The following CSMD1 variants were observed in gnomAD, a reference collection of about 807,000 sequenced individuals.
CSMD1 encodes the protein CUB and sushi domain-containing protein 1.
In CSMD1, 213 loss-of-function variants were observed where a neutral mutation model predicts 417.5. The observed-to-expected ratio is 0.51, with a 90% CI of 0.46 to 0.57. CSMD1 has a LOEUF of 0.57. Ranked by LOEUF, CSMD1 falls within the 20% of genes least tolerant of loss-of-function variation. The probability of loss-of-function intolerance (pLI) is 0.00; values close to 1 mark genes in which losing one functional copy is unlikely to be tolerated. For synonymous variants in CSMD1, 2,862 were observed against 1,736.8 expected, an observed-to-expected ratio of 1.65 and a Z score of -16.11; for missense variants, 6,923 against 4,529.7, an observed-to-expected ratio of 1.53 and a Z score of -15.17.
At chr8:3,555,097 C>T (rs1039060577) in intron 10 of CSMD1, among the ~76,000 whole-genome samples, 1 of 152,026 alleles carries the variant, frequency 6.6e-6, no homozygotes, top group Non-Finnish European at 1.5e-5. Context: ...AGCCGTAGGA[C>T]CCGTGACAGG....
chr8:3,109,909 C>G (rs1159337497), intron 43 of CSMD1, among the ~76,000 whole-genome samples: 2 of 152,104 alleles, frequency 1.3e-5, no homozygotes, highest in South Asian at 2.1e-4. Context: ...CCCACAAACA[C>G]ACATCCAATA....
intron 21 of CSMD1, among the ~76,000 whole-genome samples, chr8:3,351,253 C>G (rs1808401815): frequency 6.6e-6 from 1 of 152,088 alleles, no homozygotes; most frequent in Non-Finnish European, 1.5e-5. Context: ...GGTAGTGTGG[C>G]ACAGGATTCA....
intron 25 of CSMD1, among the ~76,000 whole-genome samples, chr8:3,301,336 C>A (rs1373308246): frequency 6.6e-6 from 1 of 151,968 alleles, no homozygotes; most frequent in African/African-American, 2.4e-5. Flanking sequence ...GTTTGGGAGG[C>A]TTCAGATGGG....
intron 2 of CSMD1, among the ~76,000 whole-genome samples, chr8:4,626,503 A>T (rs1802122295): frequency 6.6e-6 from 1 of 152,070 alleles, no homozygotes; most frequent in Non-Finnish European, 1.5e-5. Context: ...TTGTGCTGAA[A>T]ATCACGTTGA....
chr8:4,808,576 T>A (rs1001475610), intron 1 of CSMD1, among the ~76,000 whole-genome samples: 1 of 152,148 alleles, frequency 6.6e-6, no homozygotes, highest in African/African-American at 2.4e-5. Context: ...TAGACACTTA[T>A]CATAATGGGT....
At chr8:4,969,859 T>C (rs1810125641) in intron 1 of CSMD1, among the ~76,000 whole-genome samples, 2 of 151,684 alleles carry the variant, frequency 1.3e-5, no homozygotes, top group Non-Finnish European at 2.9e-5. Context: ...CTTAAACAAG[T>C]AGGATATAGT....
At chr8:3,838,557 G>GAA (rs1563131685) in intron 5 of CSMD1, among the ~76,000 whole-genome samples, 3 of 135,116 alleles carry the variant, frequency 2.2e-5, no homozygotes, top group African/African-American at 8.3e-5. Context: ...ACTCTCTGTA[G>GAA]ATATATATAG....
chr8:4,299,810 T>C (rs543417511), intron 3 of CSMD1, among the ~76,000 whole-genome samples: 2 of 151,876 alleles, frequency 1.3e-5, no homozygotes, highest in Non-Finnish European at 2.9e-5. Flanking sequence ...TTTGTATTTT[T>C]AGTACAGATG....
At chr8:4,054,081 G>A (rs924985119) in intron 3 of CSMD1, among the ~76,000 whole-genome samples, 18 of 152,018 alleles carry the variant, frequency 1.2e-4, no homozygotes, top group Admixed American at 9.8e-4. Flanking sequence ...TCTCTCTGTC[G>A]CAGTTCACTA....
At chr8:4,741,828 A>G (rs1376651692) in intron 1 of CSMD1, among the ~76,000 whole-genome samples, 10 of 151,712 alleles carry the variant, frequency 6.6e-5, no homozygotes, top group African/African-American at 2.2e-4. Context: ...CACTTTAAGG[A>G]GTTTGGGTGT....
intron 3 of CSMD1, among the ~76,000 whole-genome samples, chr8:4,302,234 G>C (rs1206771122): frequency 2.6e-5 from 4 of 152,120 alleles, no homozygotes; most frequent in Non-Finnish European, 5.9e-5. Flanking sequence ...AGGCCCAAAA[G>C]AAAAATGTAG....
intron 25 of CSMD1, among the ~76,000 whole-genome samples, chr8:3,287,563 A>C (rs1803253831): frequency 6.6e-6 from 1 of 152,116 alleles, no homozygotes; most frequent in Non-Finnish European, 1.5e-5. Flanking sequence ...TCTTTGAAGC[A>C]ATTGTGAATG....
At chr8:3,683,233 A>T (rs891716110) in intron 7 of CSMD1, among the ~76,000 whole-genome samples, 2 of 151,638 alleles carry the variant, frequency 1.3e-5, no homozygotes, top group Non-Finnish European at 2.9e-5. Context: ...AAATAAAATA[A>T]TAAAAAATAA....
intron 29 of CSMD1, among the ~76,000 whole-genome samples, chr8:3,215,483 C>G (rs11988317): frequency 0.31 from 46,427 of 152,034 alleles, 7,421 homozygotes; most frequent in African/African-American, 0.41. Flanking sequence ...AGGAAAGGAT[C>G]ATAAGAATGT....
intron 1 of CSMD1, among the ~76,000 whole-genome samples, chr8:4,837,639 T>C (rs547229272): frequency 4.0e-5 from 6 of 151,664 alleles, no homozygotes; most frequent in Admixed American, 6.6e-5. Context: ...GCTGGGGAGG[T>C]AGGGATAGTT....
At chr8:3,984,848 AG>A (rs1814199180) in intron 5 of CSMD1, among the ~76,000 whole-genome samples, 1 of 150,760 alleles carries the variant, frequency 6.6e-6, no homozygotes, top group African/African-American at 2.4e-5. Context: ...AGGAGCAAGA[AG>A]AAAGCCAGAA....
chr8:4,202,842 T>G (rs1162862801), intron 3 of CSMD1, among the ~76,000 whole-genome samples: 1 of 152,148 alleles, frequency 6.6e-6, no homozygotes, highest in African/African-American at 2.4e-5. Flanking sequence ...AGCTGAAACT[T>G]GAAACATCAA....
At chr8:4,835,573 G>C (rs947445028) in intron 1 of CSMD1, among the ~76,000 whole-genome samples, 22 of 152,242 alleles carry the variant, frequency 1.4e-4, no homozygotes, top group Non-Finnish European at 4.4e-5. Context: ...AGAGATTTTG[G>C]AATTATCCTA....
chr8:3,421,861 C>T (rs1295975164), intron 12 of CSMD1, among the ~76,000 whole-genome samples: 1 of 151,148 alleles, frequency 6.6e-6, no homozygotes, highest in Non-Finnish European at 1.5e-5. Context: ...TGGTTTCTAA[C>T]TTCTAACTTC....
Sources: allele counts gnomAD v4.1 joint callset (sites outside exome capture counted in the v4.1 genomes callset), GRCh38; gene constraint gnomAD v4.1.1; transcripts MANE v1.5; gene names NCBI Gene and HGNC (gene_info 2026-07-23, HGNC 2026-07-21).